VRK2: variants seen among roughly 807,000 people sequenced by gnomAD.
VRK2 encodes serine/threonine-protein kinase VRK2.
VRK2 carries 60 observed loss-of-function variants against 57.6 expected under a neutral mutation model. The observed-to-expected ratio is 1.04, with a 90% CI of 0.85 to 1.29. The LOEUF (loss-of-function observed/expected upper bound fraction) is 1.29, where lower values mean the gene tolerates loss of function less well. Ranked by LOEUF, VRK2 falls within the 50% of genes most tolerant of loss-of-function variation. The pLI is 0.00. For missense variants in VRK2, 705 were observed against 588.1 expected (o/e 1.20, Z -2.06); for synonymous variants, 231 against 199.2 (o/e 1.16, Z -1.35).
chr2:58,036,919 C>T (rs1280869062), intron 3 of VRK2, among the ~76,000 whole-genome samples: 1 of 151,940 alleles, frequency 6.6e-6, no homozygotes, highest in Non-Finnish European at 1.5e-5. Flanking sequence ...CCGAATTTTT[C>T]ATTTTGCTTA....
At chr2:58,107,598 C>T (rs1674939906) in intron 7 of VRK2, among the ~76,000 whole-genome samples, 1 of 152,208 alleles carries the variant, frequency 6.6e-6, no homozygotes, top group African/African-American at 2.4e-5. Flanking sequence ...ACAAAATTGT[C>T]TAAATTATAA....
intron 3 of VRK2, among the ~76,000 whole-genome samples, chr2:58,034,979 A>C (rs1674230946): frequency 6.6e-6 from 1 of 152,016 alleles, no homozygotes; most frequent in Admixed American, 6.6e-5. Flanking sequence ...TCCTGATGAC[A>C]TGATGCCTGA....
intron 1 of VRK2, among the ~76,000 whole-genome samples, chr2:57,972,349 A>G (rs1302103107): frequency 6.6e-6 from 1 of 151,764 alleles, no homozygotes. Flanking sequence ...AAAAATCTAC[A>G]CCTCTCTTAC....
intron 1 of VRK2, among the ~76,000 whole-genome samples, chr2:57,940,025 C>T (rs1293440617): frequency 6.6e-6 from 1 of 152,120 alleles, no homozygotes; most frequent in African/African-American, 2.4e-5. Flanking sequence ...TCTCACAGTA[C>T]ACTCAGATAT....
chr2:58,131,989 G>A, intron 9 of VRK2, 61 bp downstream of exon 9: 1 of 1,595,630 alleles, frequency 6.3e-7, no homozygotes, highest in Non-Finnish European at 8.5e-7. Context: ...ACATTAAAGG[G>A]AGCTAACAAC....
rs1046921367 is a variant in VRK2, at chr2:58,159,364, A to G, written c.1198A>G (p.Arg400Gly). 1 of 1,607,164 alleles carries G rather than the reference A, an allele frequency of 6.2e-7. No individual in the cohort carries two copies. The highest frequency in any genetic ancestry group is 1.7e-5 in the Admixed American group (1 of 58,450). ...TTTTCCATAGGAAAGCACAAGGAGA[A>G]GACAGAAATATCAAGAGTCTCAAGA... ...NEAAQESTRR[R>G]QKYQESQEPL... Residue 400 changes from arginine to glycine, a missense_variant, in exon 13 of 13, where the codon AGA becomes GGA. Transcript: ENST00000340157.
intron 1 of VRK2, among the ~76,000 whole-genome samples, chr2:57,910,694 A>G (rs1339973326): frequency 6.6e-6 from 1 of 152,176 alleles, no homozygotes; most frequent in Non-Finnish European, 1.5e-5. Flanking sequence ...ACCCAACCCA[A>G]CACATAATTA....
chr2:57,959,728 G>A (rs1052551516), intron 1 of VRK2, among the ~76,000 whole-genome samples: 1 of 152,098 alleles, frequency 6.6e-6, no homozygotes. Flanking sequence ...CCAGAGGCTC[G>A]GCAGGTCCCT....
Position 58,154,371 on chromosome 2 carries a change from T to C in VRK2, c.1183-4978T>C, listed in dbSNP as rs150080200. 5.3e-3 allele frequency among the ~76,000 whole-genome samples: 806 copies of C among 152,056 alleles called. 9 individuals carry two copies. Among genetic ancestry groups the C allele is most frequent in the South Asian group, 0.027 (128 of 4,810 alleles). ...CAAATATAATTGTATATATCATATC[T>C]ATGGGGTACAATGTGATGCTTTGAT... is the stretch of plus-strand genomic sequence containing the variant. On this transcript the variant is annotated intron_variant, in intron 12 of 12. Coordinates refer to ENST00000340157, the MANE Select transcript of VRK2 (RefSeq NM_006296.7).
chr2:58,126,162 C>T (rs368898502), intron 8 of VRK2, among the ~76,000 whole-genome samples: 11 of 151,112 alleles, frequency 7.3e-5, no homozygotes, highest in Admixed American at 2.0e-4. Context: ...AAAAAAGTCA[C>T]TAGGATATAG....
chr2:58,030,241 C>G (rs1022669676), intron 2 of VRK2, among the ~76,000 whole-genome samples: 1 of 152,066 alleles, frequency 6.6e-6, no homozygotes, highest in African/African-American at 2.4e-5. Flanking sequence ...ACTTAAAACA[C>G]TTAGCAATTT....
chr2:58,104,162 T>G (rs1674413752), intron 7 of VRK2, among the ~76,000 whole-genome samples: 1 of 151,792 alleles, frequency 6.6e-6, no homozygotes. Flanking sequence ...AAGACAAGAA[T>G]GCCCACTTTT....
intron 8 of VRK2, among the ~76,000 whole-genome samples, chr2:58,130,447 G>A (rs536148830): frequency 6.6e-5 from 10 of 152,296 alleles, no homozygotes; most frequent in African/African-American, 2.4e-4. Flanking sequence ...GTTGAAGCTT[G>A]TGCAGAAAGT....
intron 11 of VRK2, among the ~76,000 whole-genome samples, chr2:58,143,609 T>G (rs1035824000): frequency 6.6e-6 from 1 of 151,910 alleles, no homozygotes; most frequent in Admixed American, 6.6e-5. Flanking sequence ...GAATTTTGCT[T>G]ATACGTCAGA....
chr2:57,910,073 A>AT (rs1042299611), intron 1 of VRK2, among the ~76,000 whole-genome samples: 4 of 152,088 alleles, frequency 2.6e-5, no homozygotes, highest in Admixed American at 2.0e-4. Flanking sequence ...GATAGGTAAA[A>AT]TAAACCCATA....
intron 12 of VRK2, among the ~76,000 whole-genome samples, chr2:58,157,554 T>C (rs1289945545): frequency 6.6e-6 from 1 of 152,188 alleles, no homozygotes; most frequent in Non-Finnish European, 1.5e-5. Context: ...GATTATTGCA[T>C]TGCCTTGAGC....
At chr2:57,982,292 A>T (rs1291469833) in intron 1 of VRK2, among the ~76,000 whole-genome samples, 1 of 152,162 alleles carries the variant, frequency 6.6e-6, no homozygotes, top group East Asian at 1.9e-4. Context: ...TGCTGGCAAC[A>T]ACACTCTAAT....
intron 10 of VRK2, among the ~76,000 whole-genome samples, chr2:58,138,505 A>G (rs993727709): frequency 2.6e-5 from 4 of 152,210 alleles, no homozygotes; most frequent in African/African-American, 9.7e-5. Flanking sequence ...TCTGTACTAT[A>G]TGGTGAAAGT....
chr2:58,147,976 A>T (rs755991262), intron 12 of VRK2, among the ~76,000 whole-genome samples: 1 of 151,794 alleles, frequency 6.6e-6, no homozygotes, highest in African/African-American at 2.4e-5. Flanking sequence ...GCTACTACTC[A>T]TTTCTGGCCA....
Sources: allele counts gnomAD v4.1 joint callset (sites outside exome capture counted in the v4.1 genomes callset), GRCh38; gene constraint gnomAD v4.1.1; transcripts MANE v1.5; gene names NCBI Gene and HGNC (gene_info 2026-07-23, HGNC 2026-07-21).